The following RHOJ variants were observed in gnomAD, a reference collection of about 807,000 sequenced individuals.
RHOJ encodes the protein ras homolog family member J, also known as rho-related GTP-binding protein RhoJ.
RHOJ carries 11 observed loss-of-function variants against 23.4 expected under a neutral mutation model. The ratio of observed to expected loss-of-function variants is 0.47; its 90% CI spans 0.30 to 0.78. The LOEUF (loss-of-function observed/expected upper bound fraction) is 0.78. Ranked by LOEUF, RHOJ falls within the 30% of genes least tolerant of loss-of-function variation. The pLI is 0.08. For synonymous variants in RHOJ, 102 were observed against 102.7 expected, an observed-to-expected ratio of 0.99 and a Z score of 0.04; for missense variants, 254 against 273.4, an observed-to-expected ratio of 0.93 and a Z score of 0.50.
intron 1 of RHOJ, among the ~76,000 whole-genome samples, chr14:63,262,743 C>G (rs1450648201): frequency 6.6e-6 from 1 of 152,210 alleles, no homozygotes; most frequent in Non-Finnish European, 1.5e-5. Flanking sequence ...TGCTGTATAT[C>G]TGCACTGTGT....
chr14:63,289,363 C>T (rs1039057759), intron 4 of RHOJ, among the ~76,000 whole-genome samples: 7 of 152,192 alleles, frequency 4.6e-5, no homozygotes, highest in African/African-American at 1.7e-4. Context: ...TATTGTCTTG[C>T]GCCAGCCCCA....
At chr14:63,289,117 C>T (rs766216265) in intron 4 of RHOJ, among the ~76,000 whole-genome samples, 3 of 152,226 alleles carry the variant, frequency 2.0e-5, no homozygotes, top group South Asian at 4.1e-4. Context: ...ACTTAGTCCA[C>T]ACATTGCAAA....
chr14:63,269,240 G>A (rs2139655007), intron 2 of RHOJ, 72 bp downstream of exon 2: 5 of 1,061,386 alleles, frequency 4.7e-6, no homozygotes, highest in Non-Finnish European at 7.4e-6. Context: ...TGCTTATGCA[G>A]ATGGGACTCA....
rs759425968 is a variant in RHOJ, at chr14:63,291,050, C to T, written c.*26C>T. Reference sequence around the variant, plus strand: ...GGTTGTCTGGGACCTGCCTCCACCCCATCCAGGGATGAGAATGGCAGCCAA... The same window carrying T: ...GGTTGTCTGGGACCTGCCTCCACCCTATCCAGGGATGAGAATGGCAGCCAA... On this transcript the variant is annotated 3_prime_UTR_variant, in exon 5 of 5. Coordinates refer to ENST00000316754, the MANE Select transcript of RHOJ (RefSeq NM_020663.5). 4.3e-6 allele frequency: 7 copies of T among 1,613,132 alleles called. No homozygotes were observed. In the South Asian group the frequency reaches 6.6e-5, roughly 15 times the overall value.
rs1479711016 is a variant in RHOJ at position 63,283,173 on chromosome 14, A to T, written c.455A>T (p.Glu152Val). The change falls in exon 4 of 5, where the codon GAG becomes GTG. Residue 152 changes from glutamate to valine, a missense_variant. Transcript: ENST00000316754. Reference sequence around the variant, plus strand: ...TTGGCCCGTTTGCTGTATATGAAAGAGAAACCTCTCACTTACGAGCATGGT... The same window carrying T: ...TTGGCCCGTTTGCTGTATATGAAAGTGAAACCTCTCACTTACGAGCATGGT... The part of the protein sequence containing the change: ...KTLARLLYMK[E>V]KPLTYEHGVK... 6.2e-7 allele frequency: 1 copy of T among 1,614,170 alleles called. No individual in the cohort carries two copies. Among genetic ancestry groups the T allele is most frequent in the South Asian group, 1.1e-5 (1 of 91,084 alleles).
At chr14:63,267,982 G>T (rs1189611467) in intron 1 of RHOJ, among the ~76,000 whole-genome samples, 1 of 152,168 alleles carries the variant, frequency 6.6e-6, no homozygotes. Context: ...AACCTGAAAA[G>T]AAATAAAAGT....
intron 1 of RHOJ, among the ~76,000 whole-genome samples, chr14:63,217,940 T>G (rs1313803988): frequency 6.6e-6 from 1 of 152,244 alleles, no homozygotes; most frequent in Non-Finnish European, 1.5e-5. Context: ...ATGTAAACTC[T>G]AAATATTCTT....
chr14:63,267,786 A>T (rs1371952877), intron 1 of RHOJ, among the ~76,000 whole-genome samples: 5 of 152,206 alleles, frequency 3.3e-5, no homozygotes, highest in Non-Finnish European at 5.9e-5. Flanking sequence ...TGGGTGTACC[A>T]TTTTAAAATA....
intron 1 of RHOJ, among the ~76,000 whole-genome samples, chr14:63,209,631 T>C (rs1457187537): frequency 1.3e-5 from 2 of 152,206 alleles, no homozygotes; most frequent in Non-Finnish European, 2.9e-5. Flanking sequence ...ATATATGTAT[T>C]TGCTATCTCC....
intron 1 of RHOJ, among the ~76,000 whole-genome samples, chr14:63,225,789 A>G (rs72712555): frequency 0.11 from 16,305 of 152,182 alleles, 1,039 homozygotes; most frequent in African/African-American, 0.16. Context: ...TTTTGAAGGC[A>G]AGGGACAGGC....
intron 1 of RHOJ, among the ~76,000 whole-genome samples, chr14:63,265,257 A>G (rs1895346247): frequency 6.6e-6 from 1 of 152,224 alleles, no homozygotes; most frequent in South Asian, 2.1e-4. Flanking sequence ...CAGCTATCCC[A>G]GCACCATTTA....
At chr14:63,288,824 G>C (rs1882163050) in intron 4 of RHOJ, among the ~76,000 whole-genome samples, 2 of 152,166 alleles carry the variant, frequency 1.3e-5, no homozygotes, top group Non-Finnish European at 2.9e-5. Context: ...AGGAAATAGT[G>C]TCTGGGCCCA....
chr14:63,251,414 T>C (rs899806093), intron 1 of RHOJ, among the ~76,000 whole-genome samples: 4 of 152,238 alleles, frequency 2.6e-5, no homozygotes, highest in Non-Finnish European at 4.4e-5. Flanking sequence ...ACTACATTAT[T>C]GTAAGTCTTC....
intron 1 of RHOJ, among the ~76,000 whole-genome samples, chr14:63,260,141 C>A (rs1895247785): frequency 6.6e-6 from 1 of 152,170 alleles, no homozygotes; most frequent in African/African-American, 2.4e-5. Flanking sequence ...ACTATGTTGT[C>A]TTTATAGCTC....
At chr14:63,243,240 C>T (rs746086955) in intron 1 of RHOJ, among the ~76,000 whole-genome samples, 6 of 152,160 alleles carry the variant, frequency 3.9e-5, no homozygotes, top group Non-Finnish European at 8.8e-5. Flanking sequence ...CAGCTGGTGT[C>T]ATTATTAACT....
intron 1 of RHOJ, among the ~76,000 whole-genome samples, chr14:63,266,796 C>T (rs966546993): frequency 2.0e-5 from 3 of 152,082 alleles, no homozygotes; most frequent in Non-Finnish European, 4.4e-5. Flanking sequence ...ATTCTATGAG[C>T]CTTTTGGCAG....
At chr14:63,255,684 A>T (rs1895151239) in intron 1 of RHOJ, among the ~76,000 whole-genome samples, 1 of 151,962 alleles carries the variant, frequency 6.6e-6, no homozygotes, top group South Asian at 2.1e-4. Context: ...ACTCAACTGA[A>T]GGGCCACCAA....
At chr14:63,285,078 C>G (rs1169860154) in intron 4 of RHOJ, among the ~76,000 whole-genome samples, 3 of 152,196 alleles carry the variant, frequency 2.0e-5, no homozygotes, top group African/African-American at 7.2e-5. Context: ...TTTCTCTACT[C>G]TCTGACTTTT....
intron 1 of RHOJ, among the ~76,000 whole-genome samples, chr14:63,262,771 T>C (rs1389382026): frequency 6.6e-6 from 1 of 152,236 alleles, no homozygotes; most frequent in Admixed American, 6.5e-5. Flanking sequence ...ATCTATTATG[T>C]ATGCCAGGAA....
Sources: allele counts gnomAD v4.1 joint callset (sites outside exome capture counted in the v4.1 genomes callset), GRCh38; gene constraint gnomAD v4.1.1; transcripts MANE v1.5; gene names NCBI Gene and HGNC (gene_info 2026-07-23, HGNC 2026-07-21).